Variants in EPHA2 observed in about 807,000 individuals in gnomAD.
EPHA2 encodes ephrin type-A receptor 2.
EPHA2 carries 54 observed loss-of-function variants against 104.9 expected under a neutral mutation model. That is an observed-to-expected ratio of 0.51 (90% CI 0.41 to 0.65). The LOEUF is 0.65. Ranked by LOEUF, EPHA2 falls within the 30% of genes least tolerant of loss-of-function variation. The pLI, the probability that EPHA2 is intolerant of heterozygous loss-of-function variation, is 0.00. For synonymous variants in EPHA2, 560 were observed against 559.1 expected (o/e 1.00, Z -0.02); for missense variants, 1,117 against 1,369.5 (o/e 0.82, Z 2.91).
At position 16,143,321 on chromosome 1, in the gene EPHA2, A is replaced by G. The variant is rs150842622; in HGVS notation, c.824-4891T>C. ...CAAACCTACCATGTGCATGTGAAATATGCACTCCAGGGCCAGAGAAATGAG... is the reference window on the plus strand; with the variant it reads ...CAAACCTACCATGTGCATGTGAAATGTGCACTCCAGGGCCAGAGAAATGAG... On this transcript the variant is annotated intron_variant, in intron 3 of 16. Coordinates refer to ENST00000358432, the MANE Select transcript of EPHA2 (RefSeq NM_004431.5). Among the ~76,000 whole-genome samples, 102 of 152,060 alleles carry G rather than the reference A, an allele frequency of 6.7e-4. 1 individual carries two copies. The highest frequency in any genetic ancestry group is 2.3e-3 in the African/African-American group (96 of 41,450).
intron 16 of EPHA2, 149 bp downstream of exon 16, chr1:16,129,285 G>T: frequency 1.0e-6 from 1 of 954,962 alleles, no homozygotes; most frequent in Non-Finnish European, 1.6e-6. Flanking sequence ...GCGGAGTTCT[G>T]CCCTTCTCTT....
chr1:16,136,710 AGAAAAGAAGAAGAAG>A (rs1303604577), intron 5 of EPHA2, among the ~76,000 whole-genome samples: 4 of 91,510 alleles, frequency 4.4e-5, no homozygotes, highest in East Asian at 5.7e-4. Context: ...AAGAAGAAGA[AGAAAAGAAGAAGAAG>A]AAGAAGAAGA....
chr1:16,139,873 T>G (rs2024789346), intron 3 of EPHA2, among the ~76,000 whole-genome samples: 1 of 152,094 alleles, frequency 6.6e-6, no homozygotes, highest in African/African-American at 2.4e-5. Context: ...TGTGGAGAAG[T>G]CAGACCCCTG....
intron 9 of EPHA2, 56 bp from the exon 10 acceptor site, chr1:16,133,662 G>A (rs1282408332): frequency 6.8e-6 from 11 of 1,609,106 alleles, no homozygotes. Flanking sequence ...CATGGGGGGT[G>A]CTCTGGAGTC....
chr1:16,130,407 T>C lies in EPHA2; in HGVS notation c.2488A>G (p.Ile830Val). 1 of 1,547,796 alleles carries C rather than the reference T, an allele frequency of 6.5e-7. No homozygotes were observed. The highest frequency in any genetic ancestry group is 8.7e-7 in the Non-Finnish European group (1 of 1,144,016). The part of the protein sequence containing the change: ...ELSNHEVMKA[I>V]NDGFRLPTPM... ...GTGGGGAGCCGGAAGCCATCATTGATGGCTTTCATCACCTGGCGGGGCACG... is the reference window on the plus strand; with the variant it reads ...GTGGGGAGCCGGAAGCCATCATTGACGGCTTTCATCACCTGGCGGGGCACG... The change falls in exon 15 of 17, where the codon ATC becomes GTC. Residue 830 changes from isoleucine (I) to valine (V), a missense_variant. By Grantham distance (29) the Ile-to-Val change is conservative. Coordinates refer to ENST00000358432, the MANE Select transcript of EPHA2 (RefSeq NM_004431.5). The surrounding 1 kb of genome is among the most constrained non-coding windows in gnomAD (Gnocchi z 4.5).
intron 1 of EPHA2, among the ~76,000 whole-genome samples, chr1:16,152,681 C>A (rs903783813): frequency 6.6e-6 from 1 of 152,170 alleles, no homozygotes; most frequent in Non-Finnish European, 1.5e-5. Context: ...CCTGCAGCCC[C>A]CCCTTAGATT....
intron 3 of EPHA2, among the ~76,000 whole-genome samples, chr1:16,144,679 C>T (rs555277945): frequency 6.6e-6 from 1 of 152,350 alleles, no homozygotes; most frequent in South Asian, 2.1e-4. Context: ...TCCTTCAGGG[C>T]CACAGGTCCA....
rs749871525 is a variant in EPHA2, at chr1:16,148,330, C to A, written c.823+48G>T. On this transcript the variant is annotated intron_variant, in intron 3 of 16. Transcript: ENST00000358432. This position sits in a 1 kb window ranked among gnomAD's most constrained non-coding sequence, Gnocchi z 4.9. ...ATGATTCCAAAGCTAAAGACCAGAA[C>A]CTGGGAATGCAGAACCCCCTTCCCT... is the stretch of plus-strand genomic sequence containing the variant. 3 of 1,593,572 alleles carry A rather than the reference C, an allele frequency of 1.9e-6. No homozygotes were observed. The Admixed American group carries it at 5.1e-5, about 27-fold the overall frequency.
rs1058372 is a variant in EPHA2 at position 16,148,904 on chromosome 1, C to G, written c.297G>C (p.Lys99Asn). The G allele has an allele frequency of 6.2e-7, 1 of 1,614,158 alleles. No individual in the cohort carries two copies. Residue 99 changes from lysine to asparagine, a missense_variant, in exon 3 of 17, where the codon AAG becomes AAC. This residue lies in a region of EPHA2 where 664 missense variants were observed against 784.8 expected (regional missense o/e 0.85). Transcript: ENST00000358432. The surrounding 1 kb of genome is among the most constrained non-coding windows in gnomAD (Gnocchi z 4.9). ...GEAERIFIELKFTVRDCNSFP... is the reference protein window; with the variant it reads ...GEAERIFIELNFTVRDCNSFP... ...AGCTGTTGCAGTCACGTACAGTAAACTTGAGCTCAATGAAGATACGCTCAG... is the reference window on the plus strand; with the variant it reads ...AGCTGTTGCAGTCACGTACAGTAAAGTTGAGCTCAATGAAGATACGCTCAG...
chr1:16,139,423 G>A (rs534097493), intron 3 of EPHA2, among the ~76,000 whole-genome samples: 5 of 152,314 alleles, frequency 3.3e-5, no homozygotes, highest in Non-Finnish European at 5.9e-5. Context: ...CCTCAGCACC[G>A]TGTTCACCAC....
intron 16 of EPHA2, among the ~76,000 whole-genome samples, chr1:16,127,473 G>A (rs2124187755): frequency 6.6e-6 from 1 of 152,252 alleles, no homozygotes; most frequent in African/African-American, 2.4e-5. Flanking sequence ...AGGGGACCAG[G>A]CAGCTGGTCC....
Position 16,138,831 on chromosome 1 carries a change from C to T in EPHA2, c.824-401G>A, listed in dbSNP as rs187595028. 5.3e-5 allele frequency among the ~76,000 whole-genome samples: 8 copies of T among 152,306 alleles called. No homozygotes were observed. The South Asian group carries it at 1.0e-3, about 20-fold the overall frequency. On this transcript the variant is annotated intron_variant, in intron 3 of 16. Transcript: ENST00000358432. The stretch of plus-strand genomic sequence containing the variant: ...TTTCCTCCATGCAGACTAGCCTGTC[C>T]GGTCCCCACCTGGGTAGCTGAGAGC...
chr1:16,135,699 G>A lies in EPHA2; in HGVS notation c.1384C>T (p.Gln462Ter). 1 of 1,613,794 alleles carries A rather than the reference G, an allele frequency of 6.2e-7. No individual in the cohort carries two copies. Among genetic ancestry groups the A allele is most frequent in the Non-Finnish European group, 8.5e-7 (1 of 1,180,012 alleles). Residue 462 changes from glutamine (Q) to a stop codon, truncating the protein, a stop_gained, in exon 6 of 17, where the codon CAG becomes TAG. Transcript: ENST00000358432. LOFTEE classifies it high-confidence loss of function. This position sits in a 1 kb window ranked among gnomAD's most constrained non-coding sequence, Gnocchi z 4.3. ...TCGTACTTCCACACTCGGCTCTGCT[G>A]CGGCGGGGGGATGCTCCAGGAGACG... ...LSVSWSIPPP[Q>*]QSRVWKYEVT... is the part of the protein sequence containing the mutation.
chr1:16,127,267 C>T (rs865950495), intron 16 of EPHA2, among the ~76,000 whole-genome samples: 16 of 152,280 alleles, frequency 1.1e-4, no homozygotes, highest in African/African-American at 3.9e-4. Context: ...CAGCCTGTGC[C>T]CTCGACCCCC....
At chr1:16,149,340 C>A (rs2024995323) in intron 2 of EPHA2, among the ~76,000 whole-genome samples, 1 of 152,262 alleles carries the variant, frequency 6.6e-6, no homozygotes, top group Non-Finnish European at 1.5e-5. Context: ...CTCTAAGCCG[C>A]AATTTCCTCA....
chr1:16,150,866 C>T lies in EPHA2; in HGVS notation c.153+30G>A, dbSNP rs2124269026. On this transcript the variant is annotated intron_variant, in intron 2 of 16. Transcript: ENST00000358432. The surrounding 1 kb of genome is among the most constrained non-coding windows in gnomAD (Gnocchi z 4.8). Reference sequence around the variant, plus strand: ...CAGGGGACCAGCAGCCCCATTCTCACACCTCTCCCCACCCCGAAGGCTTAC... The same window carrying T: ...CAGGGGACCAGCAGCCCCATTCTCATACCTCTCCCCACCCCGAAGGCTTAC... 2 of 1,613,748 alleles carry T rather than the reference C, an allele frequency of 1.2e-6. No homozygotes were observed. Among genetic ancestry groups the T allele is most frequent in the African/African-American group, 1.3e-5 (1 of 75,048 alleles).
In EPHA2 at chr1:16,148,180, T is replaced by C. The variant is rs1197679231; in HGVS notation, c.823+198A>G. Among the ~76,000 whole-genome samples the C allele has an allele frequency of 6.6e-6, 1 of 152,210 alleles. No individual in the cohort carries two copies. The highest frequency in any genetic ancestry group is 1.5e-5 in the Non-Finnish European group (1 of 68,036). Reference sequence around the variant, plus strand: ...CATGAGCCACCGTGCCCAGCCACAATTCATTCATTCTTAATGAATGAGTTA... The same window carrying C: ...CATGAGCCACCGTGCCCAGCCACAACTCATTCATTCTTAATGAATGAGTTA... On this transcript the variant is annotated intron_variant, in intron 3 of 16. Transcript: ENST00000358432. This position sits in a 1 kb window ranked among gnomAD's most constrained non-coding sequence, Gnocchi z 4.9.
intron 16 of EPHA2, among the ~76,000 whole-genome samples, chr1:16,126,647 G>A (rs1015775310): frequency 5.3e-5 from 8 of 152,206 alleles, no homozygotes; most frequent in African/African-American, 1.9e-4. Flanking sequence ...CACACTTGAA[G>A]GTCTCAAATT....
At position 16,133,160 on chromosome 1, in the gene EPHA2, G is replaced by C; in HGVS notation, c.2053+20C>G. On this transcript the variant is annotated intron_variant, in intron 11 of 16. Transcript: ENST00000358432. Reference sequence around the variant, plus strand: ...TAAGTGGCCCCTCTCCACCCAGTGTGGGCAGGCCCCAAGCCTCACATTTGG... The same window carrying C: ...TAAGTGGCCCCTCTCCACCCAGTGTCGGCAGGCCCCAAGCCTCACATTTGG... 6.2e-7 allele frequency: 1 copy of C among 1,612,430 alleles called. No homozygotes were observed. The highest frequency in any genetic ancestry group is 8.5e-7 in the Non-Finnish European group (1 of 1,179,804).
Sources: gnomAD v4.1 joint callset for allele counts (sites outside exome capture counted in the v4.1 genomes callset) on GRCh38, gnomAD v4.1.1 for gene constraint, gnomAD v4.1.1 regional missense constraint, Gnocchi (gnomAD v3.1) non-coding constraint, MANE v1.5 for transcripts, NCBI Gene and HGNC (gene_info 2026-07-23, HGNC 2026-07-21) for gene names.